CFAP58: variants seen among roughly 807,000 people sequenced by gnomAD.
The protein encoded by CFAP58 is cilia- and flagella-associated protein 58.
A neutral mutation model predicts 119.5 loss-of-function variants in CFAP58; 88 were observed. The ratio of observed to expected loss-of-function variants is 0.74; its 90% CI spans 0.62 to 0.88. The LOEUF is 0.88. Among genes scored for constraint, CFAP58 ranks in the 40% least tolerant of loss-of-function variants. The pLI is 0.00. For synonymous variants in CFAP58, 365 were observed against 366.3 expected (o/e 1.00, Z 0.04); for missense variants, 990 against 1,021.2 (o/e 0.97, Z 0.42).
chr10:104,406,780 A>G lies in CFAP58; in HGVS notation c.2243A>G (p.Glu748Gly). The G allele has an allele frequency of 6.2e-7, 1 of 1,614,108 alleles. No homozygotes were observed. Among genetic ancestry groups the G allele is most frequent in the Non-Finnish European group, 8.5e-7 (1 of 1,179,940 alleles). The change falls in exon 15 of 18, where the codon GAG becomes GGG. Residue 748 changes from glutamate (E) to glycine (G), a missense_variant. Physicochemically the swap from Glu to Gly is moderately conservative, Grantham distance 98 (BLOSUM62 -2). Coordinates refer to ENST00000369704, the MANE Select transcript of CFAP58 (RefSeq NM_001008723.2). ...ISKTEEVVEKELLLQEKEKLY... is the reference protein window; with the variant it reads ...ISKTEEVVEKGLLLQEKEKLY... ...AAGACTGAAGAGGTGGTTGAAAAAG[A>G]GCTGCTCCTCCAGGTAGCATTTTTG...
chr10:104,402,692 T>G (rs968470068), intron 13 of CFAP58, among the ~76,000 whole-genome samples: 4 of 152,190 alleles, frequency 2.6e-5, no homozygotes, highest in Admixed American at 1.3e-4. Flanking sequence ...TCAGGACTTT[T>G]TTAGCCATCT....
the CFAP58 span, among the ~76,000 whole-genome samples, chr10:104,342,603 TG>T: frequency 1.4e-5 from 2 of 142,364 alleles, no homozygotes; most frequent in Non-Finnish European, 3.0e-5. Flanking sequence ...GAGGCCAAGG[TG>T]GGCAGATCAC....
At chr10:104,348,108 T>C in the CFAP58 span, among the ~76,000 whole-genome samples, 1 of 151,106 alleles carries the variant, frequency 6.6e-6, no homozygotes, top group Non-Finnish European at 1.5e-5. Context: ...TGGGGAGGTA[T>C]GTAGGGTGGC....
chr10:104,385,238 T>A (rs2011899246), intron 9 of CFAP58, among the ~76,000 whole-genome samples: 1 of 152,064 alleles, frequency 6.6e-6, no homozygotes, highest in South Asian at 2.1e-4. Context: ...CTTCCAAGAA[T>A]TCTTGGAGAT....
At chr10:104,361,285 G>T (rs1223782484) in intron 2 of CFAP58, among the ~76,000 whole-genome samples, 2 of 152,158 alleles carry the variant, frequency 1.3e-5, no homozygotes, top group East Asian at 3.9e-4. Context: ...CCCGTTATGG[G>T]TTTTCTCCCA....
intron 15 of CFAP58, among the ~76,000 whole-genome samples, chr10:104,420,639 A>G (rs1337978312): frequency 6.6e-6 from 1 of 152,168 alleles, no homozygotes; most frequent in African/African-American, 2.4e-5. Context: ...TACAACTAAA[A>G]TAAAAGTTAA....
chr10:104,411,741 C>T (rs1177252771), intron 15 of CFAP58, among the ~76,000 whole-genome samples: 1 of 151,378 alleles, frequency 6.6e-6, no homozygotes, highest in Admixed American at 6.6e-5. Flanking sequence ...TGAATGGATA[C>T]AAATTCTTAG....
At chr10:104,385,202 C>T (rs1437190397) in intron 9 of CFAP58, among the ~76,000 whole-genome samples, 3 of 151,900 alleles carry the variant, frequency 2.0e-5, no homozygotes, top group Non-Finnish European at 4.4e-5. Flanking sequence ...CAAACCAGAG[C>T]CACAGCAAGT....
intron 15 of CFAP58, among the ~76,000 whole-genome samples, chr10:104,446,893 T>C (rs2013119172): frequency 6.6e-6 from 1 of 152,246 alleles, no homozygotes; most frequent in Admixed American, 6.5e-5. Context: ...ATCATTTGCT[T>C]AGGGTTTCTA....
At chr10:104,376,269 G>C (rs942675735) in intron 7 of CFAP58, among the ~76,000 whole-genome samples, 1 of 151,614 alleles carries the variant, frequency 6.6e-6, no homozygotes, top group African/African-American at 2.4e-5. Context: ...TGACTCCCCA[G>C]ACCTCTTAGA....
At chr10:104,446,367 A>G (rs2013113352) in intron 15 of CFAP58, among the ~76,000 whole-genome samples, 1 of 152,222 alleles carries the variant, frequency 6.6e-6, no homozygotes, top group African/African-American at 2.4e-5. Context: ...TTCCATCCAA[A>G]TACTTTTTAA....
chr10:104,375,517 G>C (rs958808447), intron 7 of CFAP58, among the ~76,000 whole-genome samples: 3 of 152,068 alleles, frequency 2.0e-5, no homozygotes, highest in Admixed American at 6.6e-5. Flanking sequence ...TCAGGAGTTC[G>C]AGACCAGCCT....
rs549784510 is a variant in CFAP58, at chr10:104,358,334, T to C, written c.10-7T>C. ...TGCCCTTTCCCATCCCTGCTTTTTT[T>C]CTATAGGAAAAGGGTGGAAAGCAAG... is the stretch of plus-strand genomic sequence containing the variant. On this transcript the variant is annotated splice_polypyrimidine_tract_variant and splice_region_variant and intron_variant, in intron 1 of 17. Transcript: ENST00000369704. 6.2e-7 allele frequency: 1 copy of C among 1,603,666 alleles called. No individual in the cohort carries two copies. Among genetic ancestry groups the C allele is most frequent in the African/African-American group, 1.3e-5 (1 of 74,412 alleles).
chr10:104,430,270 A>G (rs531765798), intron 15 of CFAP58, among the ~76,000 whole-genome samples: 1 of 152,320 alleles, frequency 6.6e-6, no homozygotes, highest in Non-Finnish European at 1.5e-5. Flanking sequence ...CAATGGGGCT[A>G]TACTAGAATC....
intron 15 of CFAP58, among the ~76,000 whole-genome samples, chr10:104,413,553 C>T (rs924094004): frequency 6.6e-6 from 1 of 152,208 alleles, no homozygotes; most frequent in Admixed American, 6.5e-5. Flanking sequence ...AGTGTACCTC[C>T]TGGTGGCCTC....
At chr10:104,432,793 G>T (rs918733236) in intron 15 of CFAP58, among the ~76,000 whole-genome samples, 1 of 152,146 alleles carries the variant, frequency 6.6e-6, no homozygotes, top group African/African-American at 2.4e-5. Context: ...GAGCCACCGC[G>T]CCCGGCCAGT....
In CFAP58 at chr10:104,365,846, A is replaced by G; in HGVS notation, c.630A>G (p.Glu210=). 6.2e-7 allele frequency: 1 copy of G among 1,612,462 alleles called. No homozygotes were observed. Among genetic ancestry groups the G allele is most frequent in the East Asian group, 2.2e-5 (1 of 44,792 alleles). Residue 210 remains glutamate, a synonymous_variant, in exon 5 of 18, where the codon GAA becomes GAG. Transcript: ENST00000369704. ...FQQEIQQRQN[E]ASREFRKKEK... ...AAGAAATCCAGCAACGTCAGAACGA[A>G]GCTTCCCGGGAGTTCCGGAAGAAGG...
intron 17 of CFAP58, 31 bp downstream of exon 17, chr10:104,450,235 T>A: frequency 6.2e-7 from 1 of 1,609,140 alleles, no homozygotes; most frequent in Non-Finnish European, 8.5e-7. Context: ...CTAATTTTGT[T>A]GTGCCTATTA....
chr10:104,364,470 A>ACACT (rs1491114477), intron 3 of CFAP58, among the ~76,000 whole-genome samples: 5 of 136,904 alleles, frequency 3.7e-5, no homozygotes, highest in Admixed American at 2.2e-4. Flanking sequence ...ACACACACAC[A>ACACT]CTCTCACACG....
Sources: allele counts gnomAD v4.1 joint callset (sites outside exome capture counted in the v4.1 genomes callset), GRCh38; gene constraint gnomAD v4.1.1; transcripts MANE v1.5; gene names NCBI Gene and HGNC (gene_info 2026-07-23, HGNC 2026-07-21).